The following PRKDC variants were observed in gnomAD, a reference collection of about 807,000 sequenced individuals.
PRKDC encodes DNA-dependent protein kinase catalytic subunit.
In PRKDC, 82 loss-of-function variants were observed where a neutral mutation model predicts 486.9. The observed-to-expected ratio is 0.17, with a 90% CI of 0.14 to 0.20. The LOEUF (loss-of-function observed/expected upper bound fraction) is 0.20. Ranked by LOEUF, PRKDC falls within the 10% of genes least tolerant of loss-of-function variation. The probability of loss-of-function intolerance (pLI) is 1.00; values close to 1 mark genes in which losing one functional copy is unlikely to be tolerated. For missense variants in PRKDC, 4,504 were observed against 5,038.2 expected (o/e 0.89, Z 3.21); for synonymous variants, 1,895 against 1,837.0 (o/e 1.03, Z -0.81).
chr8:47,837,208 T>G lies in PRKDC; in HGVS notation c.7761+4A>C. 6.2e-7 allele frequency: 1 copy of G among 1,608,732 alleles called. No homozygotes were observed. The highest frequency in any genetic ancestry group is 8.5e-7 in the Non-Finnish European group (1 of 1,175,708). On this transcript the variant is annotated splice_donor_region_variant and intron_variant, in intron 57 of 85. Transcript: ENST00000314191. The stretch of plus-strand genomic sequence containing the variant: ...CACTACTATGAGAGAGAAGACCACA[T>G]TACCTGAAATTCGCATTCTGACAGA...
In PRKDC at chr8:47,944,039, T is replaced by C. The variant is rs1164496715; in HGVS notation, c.722-10A>G. The C allele has an allele frequency of 4.5e-6, 7 of 1,555,994 alleles. No homozygotes were observed. The Admixed American group carries it at 5.7e-5, about 13-fold the overall frequency. On this transcript the variant is annotated splice_polypyrimidine_tract_variant and intron_variant, in intron 7 of 85. Transcript: ENST00000314191. ...CTTGAAGTCTGGGGATCTAGGGAAA[T>C]ACCAAGAAGCCTGTTACAAATCGTA...
rs532068176 is a variant in PRKDC at position 47,854,276 on chromosome 8, G to A, written c.6762-62C>T. On this transcript the variant is annotated intron_variant, in intron 50 of 85. Coordinates refer to ENST00000314191, the MANE Select transcript of PRKDC (RefSeq NM_006904.7). The stretch of plus-strand genomic sequence containing the variant: ...TGCATAATCAAGTAAGAAGCAGGAA[G>A]ACAAATACAGAATTTTATTTTTTTG... The A allele has an allele frequency of 3.1e-5, 48 of 1,562,162 alleles. No homozygotes were observed. The African/African-American group carries it at 6.1e-4, about 20-fold the overall frequency.
In PRKDC at chr8:47,913,892, T is replaced by A. The variant is rs949106306; in HGVS notation, c.2781+9A>T. 2 of 1,590,330 alleles carry A rather than the reference T, an allele frequency of 1.3e-6. No individual in the cohort carries two copies. The highest frequency in any genetic ancestry group is 1.8e-5 in the Admixed American group (1 of 55,300). Reference sequence around the variant, plus strand: ...TCTAAATAATGGGTGAAATGAAAAATAGAAGTACTTTAGTTTGTCTGTCAC... The same window carrying A: ...TCTAAATAATGGGTGAAATGAAAAAAAGAAGTACTTTAGTTTGTCTGTCAC... On this transcript the variant is annotated intron_variant, in intron 24 of 85. Transcript: ENST00000314191.
At chr8:47,883,927 C>T (rs537343770) in intron 36 of PRKDC, among the ~76,000 whole-genome samples, 14 of 152,206 alleles carry the variant, frequency 9.2e-5, no homozygotes, top group Non-Finnish European at 2.1e-4. Flanking sequence ...GTGCAGGGCT[C>T]GCTGGTGGGG....
intron 7 of PRKDC, among the ~76,000 whole-genome samples, chr8:47,946,699 G>C (rs1563818449): frequency 6.6e-6 from 1 of 152,098 alleles, no homozygotes; most frequent in Non-Finnish European, 1.5e-5. Context: ...TCTGATTTCT[G>C]CTGCAAGATC....
At chr8:47,870,274 A>C (rs570284174) in intron 40 of PRKDC, among the ~76,000 whole-genome samples, 1 of 152,348 alleles carries the variant, frequency 6.6e-6, no homozygotes, top group South Asian at 2.1e-4. Context: ...GACCTCATGC[A>C]GTCCCAATGG....
intron 11 of PRKDC, 95 bp from the exon 12 acceptor site, chr8:47,936,612 G>T: frequency 1.4e-6 from 2 of 1,396,576 alleles, no homozygotes; most frequent in Middle Eastern, 1.8e-4. Context: ...ATAAACACAA[G>T]TTTAACAAGG....
chr8:47,792,713 C>T (rs1028148736), intron 74 of PRKDC, among the ~76,000 whole-genome samples: 2 of 152,118 alleles, frequency 1.3e-5, no homozygotes, highest in South Asian at 2.1e-4. Flanking sequence ...CAAAATATCC[C>T]ATGTACCCCA....
chr8:47,794,262 A>C (rs2086938943), intron 74 of PRKDC, 28 bp downstream of exon 74: 3 of 1,557,532 alleles, frequency 1.9e-6, no homozygotes, highest in Non-Finnish European at 2.6e-6. Flanking sequence ...GTATTTGATC[A>C]ACCTATTCCT....
intron 78 of PRKDC, chr8:47,783,018 C>T: frequency 5.1e-6 from 1 of 195,912 alleles, no homozygotes; most frequent in South Asian, 9.8e-5. Context: ...TGGCTTACGC[C>T]TGTAATCCCA....
rs558055964 is a variant in PRKDC, at chr8:47,818,735, G to A, written c.9445+667C>T. ...CAAAATTAAAATAGAAAATAACTAG[G>A]TAGACATAAATATCAGTTTTTATCA... On this transcript the variant is annotated intron_variant, in intron 67 of 85. Coordinates refer to ENST00000314191, the MANE Select transcript of PRKDC (RefSeq NM_006904.7). Among the ~76,000 whole-genome samples, 18 of 152,140 alleles carry A rather than the reference G, an allele frequency of 1.2e-4. No homozygotes were observed. The East Asian group carries it at 3.5e-3, about 29-fold the overall frequency.
At position 47,782,379 on chromosome 8, in the gene PRKDC, T is replaced by C; in HGVS notation, c.11395A>G (p.Arg3799Gly). ...GGCTGGGAGCAGCCTGGCAGTTACC[T>C]GGAGGTCATGGGCACAACGCTATAG... ...RTYSVVPMTSRLGLIEWLENT... is the reference protein window; with the variant it reads ...RTYSVVPMTSGLGLIEWLENT... The change falls in exon 79 of 86, where the codon AGG becomes GGG. Residue 3799 changes from arginine to glycine, a missense_variant and splice_region_variant. Around this residue, in one of 6 missense-constraint regions of PRKDC, gnomAD observed 706 missense variants for 945.0 expected, o/e 0.75. Coordinates refer to ENST00000314191, the MANE Select transcript of PRKDC (RefSeq NM_006904.7). This position sits in a 1 kb window ranked among gnomAD's most constrained non-coding sequence, Gnocchi z 4.9. The C allele has an allele frequency of 6.2e-7, 1 of 1,605,850 alleles. No homozygotes were observed. The highest frequency in any genetic ancestry group is 8.5e-7 in the Non-Finnish European group (1 of 1,176,380).
At chr8:47,946,893 C>T (rs945563638) in intron 7 of PRKDC, among the ~76,000 whole-genome samples, 1 of 152,182 alleles carries the variant, frequency 6.6e-6, no homozygotes, top group African/African-American at 2.4e-5. Flanking sequence ...CAATCCTACA[C>T]TAACTCACAT....
At chr8:47,889,353 G>T in intron 32 of PRKDC, 131 bp from the exon 33 acceptor site, 1 of 719,172 alleles carries the variant, frequency 1.4e-6, no homozygotes, top group Non-Finnish European at 2.2e-6. Context: ...TGTAAAACGG[G>T]GGCACAGTAA....
At chr8:47,886,207 A>T (rs2089326933) in intron 35 of PRKDC, 60 bp from the exon 36 acceptor site, 1 of 1,348,294 alleles carries the variant, frequency 7.4e-7, no homozygotes, top group African/African-American at 1.5e-5. Context: ...GCACAGAAAG[A>T]CCCTTGGGCA....
chr8:47,854,876 G>A (rs1160730890), intron 50 of PRKDC, among the ~76,000 whole-genome samples: 3 of 152,016 alleles, frequency 2.0e-5, no homozygotes, highest in African/African-American at 7.2e-5. Flanking sequence ...TTAGTTGATA[G>A]CAAAACTTTT....
chr8:47,836,631 G>T, intron 57 of PRKDC, 104 bp from the exon 58 acceptor site: 2 of 1,058,820 alleles, frequency 1.9e-6, no homozygotes, highest in Non-Finnish European at 2.7e-6. Context: ...GGTACCATCA[G>T]CATATTTGTA....
chr8:47,891,962 G>T (rs1208211498), intron 31 of PRKDC, among the ~76,000 whole-genome samples: 1 of 151,908 alleles, frequency 6.6e-6, no homozygotes, highest in African/African-American at 2.4e-5. Context: ...TCCGCCTCCG[G>T]GGTTCAAACA....
At chr8:47,868,828 A>G (rs537895594) in intron 40 of PRKDC, among the ~76,000 whole-genome samples, 18 of 152,344 alleles carry the variant, frequency 1.2e-4, no homozygotes, top group African/African-American at 4.3e-4. Flanking sequence ...ATCCCCCAGC[A>G]GCAATTGCAC....
Sources: allele counts gnomAD v4.1 joint callset (sites outside exome capture counted in the v4.1 genomes callset), GRCh38; gene constraint gnomAD v4.1.1; regional missense constraint gnomAD v4.1.1; non-coding constraint Gnocchi (gnomAD v3.1); transcripts MANE v1.5; gene names NCBI Gene and HGNC (gene_info 2026-07-23, HGNC 2026-07-21).